The following HMGCLL1 variants were observed in gnomAD, a reference collection of about 807,000 sequenced individuals.
The protein encoded by HMGCLL1 is 3-hydroxy-3-methylglutaryl-CoA lyase like 1, also known as 3-hydroxymethyl-3-methylglutaryl-CoA lyase, cytoplasmic.
Under a neutral mutation model 39.1 loss-of-function variants are expected in HMGCLL1, and 36 were observed. The ratio of observed to expected loss-of-function variants is 0.92; its 90% CI spans 0.71 to 1.22. The LOEUF is 1.22. HMGCLL1 is among the 50% of genes most tolerant of loss of function. The pLI is 0.00. For missense variants in HMGCLL1, 451 were observed against 416.5 expected (o/e 1.08, Z -0.72); for synonymous variants, 149 against 144.0 (o/e 1.03, Z -0.25).
At chr6:55,569,915 A>AAGCTTTCCTTCAAAAGTGCATGT (rs1771392229) in intron 1 of HMGCLL1, among the ~76,000 whole-genome samples, 1 of 152,146 alleles carries the variant, frequency 6.6e-6, no homozygotes, top group East Asian at 1.9e-4. Context: ...GAACAGCCTT[A>AAGCTTTCCTTCAAAAGTGCATGT]AGCTTTCCTT....
At chr6:55,616,962 G>T in the HMGCLL1 span, among the ~76,000 whole-genome samples, 1 of 151,984 alleles carries the variant, frequency 6.6e-6, no homozygotes, top group Non-Finnish European at 1.5e-5. Flanking sequence ...TAGAAGTTTG[G>T]AAGATACAAT....
At chr6:55,526,102 A>G (rs1301747860) in intron 3 of HMGCLL1, among the ~76,000 whole-genome samples, 1 of 151,884 alleles carries the variant, frequency 6.6e-6, no homozygotes, top group Admixed American at 6.6e-5. Context: ...AGATTCCAGA[A>G]TAATTTGCAG....
intron 7 of HMGCLL1, among the ~76,000 whole-genome samples, chr6:55,482,485 G>C (rs1286691927): frequency 6.6e-6 from 1 of 152,038 alleles, no homozygotes; most frequent in East Asian, 1.9e-4. Flanking sequence ...TCTAAGGTCT[G>C]TTATCTATAA....
the HMGCLL1 span, among the ~76,000 whole-genome samples, chr6:55,608,409 T>C: frequency 6.6e-6 from 1 of 152,126 alleles, no homozygotes; most frequent in South Asian, 2.1e-4. Flanking sequence ...TGGTCCAGAC[T>C]GAAATAAAGT....
chr6:55,468,980 A>G (rs1764910390), intron 7 of HMGCLL1, among the ~76,000 whole-genome samples: 1 of 151,846 alleles, frequency 6.6e-6, no homozygotes. Context: ...CTTGTTGAAT[A>G]GCATGTATTT....
chr6:55,479,669 A>T (rs1426054431), intron 7 of HMGCLL1, among the ~76,000 whole-genome samples: 2 of 151,696 alleles, frequency 1.3e-5, no homozygotes, highest in Non-Finnish European at 1.5e-5. Context: ...ACATTTAATG[A>T]TTTCCTTTTT....
intron 1 of HMGCLL1, among the ~76,000 whole-genome samples, chr6:55,575,047 T>C (rs1771695888): frequency 6.6e-6 from 1 of 152,078 alleles, no homozygotes; most frequent in Non-Finnish European, 1.5e-5. Flanking sequence ...TAGTTATTGC[T>C]TAAGGAACAC....
chr6:55,667,167 C>G, the HMGCLL1 span, among the ~76,000 whole-genome samples: 2 of 151,692 alleles, frequency 1.3e-5, no homozygotes, highest in African/African-American at 4.8e-5. Flanking sequence ...TTGAGAAGCC[C>G]TTTAATTTAT....
the HMGCLL1 span, among the ~76,000 whole-genome samples, chr6:55,611,053 A>C: frequency 2.0e-5 from 3 of 152,186 alleles, no homozygotes; most frequent in East Asian, 5.8e-4. Context: ...AAATAATAAC[A>C]AACAGTCTCT....
At chr6:55,600,907 G>A in the HMGCLL1 span, among the ~76,000 whole-genome samples, 1 of 151,984 alleles carries the variant, frequency 6.6e-6, no homozygotes, top group Non-Finnish European at 1.5e-5. Context: ...AATCTGATAA[G>A]CAAATTATGC....
At chr6:55,627,551 T>A in the HMGCLL1 span, among the ~76,000 whole-genome samples, 1 of 151,874 alleles carries the variant, frequency 6.6e-6, no homozygotes, top group Admixed American at 6.6e-5. Flanking sequence ...GGATACAAAG[T>A]ATTAATCCTG....
the HMGCLL1 span, among the ~76,000 whole-genome samples, chr6:55,617,060 C>CG: frequency 1.3e-5 from 2 of 151,936 alleles, no homozygotes; most frequent in Non-Finnish European, 2.9e-5. Context: ...TTTACTTTCA[C>CG]GGGTATGTGT....
Position 55,514,199 on chromosome 6 carries a change from G to A in HMGCLL1, c.394-3C>T, listed in dbSNP as rs1199209468. ...ATCTCAGTAGCTCCAGCAGCAACCTGAAAAATATATAATTTAAAGCCAAAT... is the reference window on the plus strand; with the variant it reads ...ATCTCAGTAGCTCCAGCAGCAACCTAAAAAATATATAATTTAAAGCCAAAT... On this transcript the variant is annotated splice_region_variant and splice_polypyrimidine_tract_variant and intron_variant, in intron 4 of 8. Transcript: ENST00000274901. 1 of 1,592,922 alleles carries A rather than the reference G, an allele frequency of 6.3e-7. No individual in the cohort carries two copies. The highest frequency in any genetic ancestry group is 8.5e-7 in the Non-Finnish European group (1 of 1,173,544).
intron 7 of HMGCLL1, among the ~76,000 whole-genome samples, chr6:55,469,781 T>C (rs1764967278): frequency 2.0e-5 from 3 of 151,828 alleles, no homozygotes; most frequent in African/African-American, 7.2e-5. Flanking sequence ...TATTCATCTT[T>C]TGGCACATTT....
the HMGCLL1 span, among the ~76,000 whole-genome samples, chr6:55,634,689 A>C: frequency 6.6e-6 from 1 of 152,148 alleles, no homozygotes; most frequent in Non-Finnish European, 1.5e-5. Context: ...AAACAATAAG[A>C]ACCCTTGTGG....
chr6:55,513,454 ATC>A (rs1767568911), intron 5 of HMGCLL1: 1 of 152,184 alleles, frequency 6.6e-6, no homozygotes, highest in Non-Finnish European at 1.5e-5. Context: ...GTTTATATTT[ATC>A]TTCTATAAGC....
At chr6:55,517,788 C>T (rs116829694) in intron 3 of HMGCLL1, among the ~76,000 whole-genome samples, 4,670 of 152,134 alleles carry the variant, frequency 0.031, 236 homozygotes, top group African/African-American at 0.11. Context: ...TTAGTATAAT[C>T]TGCATTACTT....
chr6:55,664,730 A>G, the HMGCLL1 span, among the ~76,000 whole-genome samples: 1 of 151,756 alleles, frequency 6.6e-6, no homozygotes, highest in Non-Finnish European at 1.5e-5. Flanking sequence ...GATACATTCA[A>G]TTTGTTAGTC....
chr6:55,495,450 T>C lies in HMGCLL1; in HGVS notation c.764A>G (p.Gln255Arg). 1 of 1,613,976 alleles carries C rather than the reference T, an allele frequency of 6.2e-7. No individual in the cohort carries two copies. The highest frequency in any genetic ancestry group is 8.5e-7 in the Non-Finnish European group (1 of 1,179,914). ...GGCCGTAAGGATATTTGCTAAGGCT[T>C]GTCCGTATGTGTCATGACAGTGAAC... ...LAVHCHDTYG[Q>R]ALANILTALQ... The change falls in exon 7 of 9, where the codon CAA (glutamine) becomes CGA (arginine). Residue 255 changes from glutamine to arginine, a missense_variant. Transcript: ENST00000274901.
Sources: allele counts gnomAD v4.1 joint callset (sites outside exome capture counted in the v4.1 genomes callset), GRCh38; gene constraint gnomAD v4.1.1; transcripts MANE v1.5; gene names NCBI Gene and HGNC (gene_info 2026-07-23, HGNC 2026-07-21).